The following AGBL4 variants were observed in gnomAD, a reference collection of about 807,000 sequenced individuals.
AGBL4 encodes the protein AGBL carboxypeptidase 4.
A neutral mutation model predicts 66.4 loss-of-function variants in AGBL4; 58 were observed. The ratio of observed to expected loss-of-function variants is 0.87; its 90% CI spans 0.71 to 1.09. The LOEUF (loss-of-function observed/expected upper bound fraction) is 1.09. AGBL4 is among the 50% of genes least tolerant of loss of function. The probability of loss-of-function intolerance (pLI) is 0.00; values close to 1 mark genes in which losing one functional copy is unlikely to be tolerated. For missense variants in AGBL4, 579 were observed against 631.0 expected, an observed-to-expected ratio of 0.92 and a Z score of 0.88; for synonymous variants, 234 against 222.9, an observed-to-expected ratio of 1.05 and a Z score of -0.44.
At chr1:49,531,547 G>A (rs750873759) in intron 3 of AGBL4, among the ~76,000 whole-genome samples, 5 of 152,074 alleles carry the variant, frequency 3.3e-5, no homozygotes, top group Non-Finnish European at 5.9e-5. Flanking sequence ...TAAGAAATCA[G>A]AACAACAATT....
intron 2 of AGBL4, among the ~76,000 whole-genome samples, chr1:49,747,662 T>C (rs1038154128): frequency 6.6e-6 from 1 of 152,150 alleles, no homozygotes; most frequent in African/African-American, 2.4e-5. Flanking sequence ...CTTAGATTAT[T>C]TTGCTCTAAT....
intron 9 of AGBL4, among the ~76,000 whole-genome samples, chr1:48,604,087 G>C (rs538348710): frequency 1.3e-5 from 2 of 152,168 alleles, no homozygotes; most frequent in East Asian, 3.9e-4. Context: ...GAGCCGAGTT[G>C]GCACCACCGC....
At chr1:49,610,116 T>C (rs913178822) in intron 3 of AGBL4, among the ~76,000 whole-genome samples, 2 of 152,102 alleles carry the variant, frequency 1.3e-5, no homozygotes, top group African/African-American at 2.4e-5. Flanking sequence ...ACTGGGCATA[T>C]AGTGAAGTGT....
chr1:49,221,365 C>T (rs910765845), intron 4 of AGBL4, among the ~76,000 whole-genome samples: 1 of 152,110 alleles, frequency 6.6e-6, no homozygotes, highest in African/African-American at 2.4e-5. Flanking sequence ...TCCTCACTGA[C>T]AGCTTCTGAT....
At chr1:48,603,419 G>A (rs768909821) in intron 9 of AGBL4, among the ~76,000 whole-genome samples, 2 of 152,152 alleles carry the variant, frequency 1.3e-5, no homozygotes, top group African/African-American at 2.4e-5. Context: ...GCAGTGAGCC[G>A]AGATTGCGCC....
At chr1:49,358,693 A>G (rs1237263709) in intron 3 of AGBL4, among the ~76,000 whole-genome samples, 7 of 152,224 alleles carry the variant, frequency 4.6e-5, no homozygotes, top group Non-Finnish European at 1.0e-4. Context: ...GAACTGGTGC[A>G]AAGATTTAAT....
intron 3 of AGBL4, among the ~76,000 whole-genome samples, chr1:49,508,876 A>T (rs1424707673): frequency 6.6e-6 from 1 of 151,860 alleles, no homozygotes; most frequent in Non-Finnish European, 1.5e-5. Flanking sequence ...CAAATTTGTG[A>T]TATGACTCAA....
intron 5 of AGBL4, among the ~76,000 whole-genome samples, chr1:48,888,841 T>C (rs1312941685): frequency 6.6e-6 from 1 of 152,220 alleles, no homozygotes; most frequent in African/African-American, 2.4e-5. Flanking sequence ...TGGCGCATAG[T>C]AGGCATCGAA....
At chr1:49,234,787 G>A (rs146963318) in intron 4 of AGBL4, among the ~76,000 whole-genome samples, 4 of 152,176 alleles carry the variant, frequency 2.6e-5, no homozygotes, top group South Asian at 2.1e-4. Context: ...AGAGTTCCAG[G>A]CAAACTAGAA....
intron 6 of AGBL4, among the ~76,000 whole-genome samples, chr1:48,858,110 C>G (rs893746094): frequency 6.6e-6 from 1 of 151,956 alleles, no homozygotes; most frequent in Non-Finnish European, 1.5e-5. Context: ...AGAAAAAATG[C>G]AAATTAAAGC....
At chr1:49,837,908 C>T (rs1231848174) in intron 2 of AGBL4, among the ~76,000 whole-genome samples, 1 of 152,088 alleles carries the variant, frequency 6.6e-6, no homozygotes, top group Non-Finnish European at 1.5e-5. Flanking sequence ...CTACTATAGC[C>T]CTGAGCTATT....
chr1:49,296,253 T>C (rs1380538642), intron 3 of AGBL4, among the ~76,000 whole-genome samples: 9 of 152,190 alleles, frequency 5.9e-5, no homozygotes, highest in African/African-American at 1.2e-4. Context: ...AAAATAGAGG[T>C]TCAGAGAAAT....
intron 5 of AGBL4, among the ~76,000 whole-genome samples, chr1:49,037,711 A>T (rs1664776423): frequency 6.6e-6 from 1 of 152,054 alleles, no homozygotes; most frequent in Non-Finnish European, 1.5e-5. Flanking sequence ...TACTTGTATT[A>T]TACCAGATCT....
At chr1:49,250,746 C>A (rs927036908) in intron 3 of AGBL4, among the ~76,000 whole-genome samples, 12 of 152,142 alleles carry the variant, frequency 7.9e-5, no homozygotes, top group Non-Finnish European at 1.5e-4. Context: ...TAGCACAGAA[C>A]TCATTCTTGA....
At chr1:49,092,167 G>T (rs1194822848) in intron 4 of AGBL4, among the ~76,000 whole-genome samples, 1 of 152,086 alleles carries the variant, frequency 6.6e-6, no homozygotes, top group Non-Finnish European at 1.5e-5. Context: ...ATGTACCCCT[G>T]CAACTATAAT....
intron 5 of AGBL4, among the ~76,000 whole-genome samples, chr1:48,975,147 C>A (rs982572428): frequency 6.6e-6 from 1 of 152,094 alleles, no homozygotes; most frequent in Admixed American, 6.6e-5. Context: ...GTCTAGGGGT[C>A]TGGGGCATAT....
intron 1 of AGBL4, among the ~76,000 whole-genome samples, chr1:49,937,436 CAG>C (rs2148282398): frequency 6.6e-6 from 1 of 152,128 alleles, no homozygotes; most frequent in South Asian, 2.1e-4. Flanking sequence ...ATCAACGAGA[CAG>C]AAAGTTAACA....
At chr1:48,683,772 T>G (rs1407618384) in intron 6 of AGBL4, among the ~76,000 whole-genome samples, 1 of 152,140 alleles carries the variant, frequency 6.6e-6, no homozygotes, top group East Asian at 1.9e-4. Flanking sequence ...CAGAGCTTAT[T>G]GATGAGCCAT....
intron 4 of AGBL4, among the ~76,000 whole-genome samples, chr1:49,116,492 T>G (rs899601785): frequency 1.3e-5 from 2 of 152,222 alleles, no homozygotes; most frequent in Non-Finnish European, 2.9e-5. Context: ...GTCCTTGTGA[T>G]AGTTTGCTGA....
Sources: gnomAD v4.1 joint callset for allele counts (sites outside exome capture counted in the v4.1 genomes callset) on GRCh38, gnomAD v4.1.1 for gene constraint, MANE v1.5 for transcripts, NCBI Gene and HGNC (gene_info 2026-07-23, HGNC 2026-07-21) for gene names.